Variants in COL3A1 observed in about 807,000 individuals in gnomAD.
COL3A1 encodes the protein collagen alpha-1(III) chain.
COL3A1 carries 46 observed loss-of-function variants against 200.9 expected under a neutral mutation model. The observed-to-expected ratio is 0.23, with a 90% CI of 0.18 to 0.29. The LOEUF (loss-of-function observed/expected upper bound fraction) is 0.29, where lower values mean the gene tolerates loss of function less well. COL3A1 is among the 10% of genes least tolerant of loss of function. COL3A1 has a pLI of 1.00. For synonymous variants in COL3A1, 650 were observed against 628.0 expected, an observed-to-expected ratio of 1.03 and a Z score of -0.52; for missense variants, 1,367 against 1,917.6, an observed-to-expected ratio of 0.71 and a Z score of 5.36.
Position 188,994,373 on chromosome 2 carries a change from G to C in COL3A1, c.1293+41G>C, listed in dbSNP as rs1414666125. The C allele has an allele frequency of 6.2e-7, 1 of 1,609,582 alleles. No homozygotes were observed. The highest frequency in any genetic ancestry group is 1.7e-5 in the Admixed American group (1 of 59,942). On this transcript the variant is annotated intron_variant, in intron 18 of 50. Transcript: ENST00000304636. This position sits in a 1 kb window ranked among gnomAD's most constrained non-coding sequence, Gnocchi z 4.5. ...TTTTCTCTGTTGACTGAAAGGTATA[G>C]TTTAATTCCATCAACAAAAAATTAA...
chr2:188,999,740 C>A, intron 31 of COL3A1, 102 bp from the exon 32 acceptor site: 1 of 1,369,064 alleles, frequency 7.3e-7, no homozygotes, highest in Non-Finnish European at 1.0e-6. Context: ...TGAATTAGAA[C>A]ACCCAATATA....
Position 189,004,053 on chromosome 2 carries a change from T to A in COL3A1, c.2733T>A (p.Thr911=), listed in dbSNP as rs138961881. Residue 911 remains threonine, a synonymous_variant, in exon 39 of 51, where the codon ACT becomes ACA. Transcript: ENST00000304636. ...KDGPPGPAGN[T]GAPGSPGVSG... ...GGCCCCCAGGTCCTGCGGGTAACACTGGTGCTCCTGGCAGCCCTGGAGTGT... is the reference window on the plus strand; with the variant it reads ...GGCCCCCAGGTCCTGCGGGTAACACAGGTGCTCCTGGCAGCCCTGGAGTGT... 8.1e-6 allele frequency: 13 copies of A among 1,613,188 alleles called. No individual in the cohort carries two copies. The Admixed American group carries it at 2.2e-4, about 27-fold the overall frequency.
chr2:188,988,522 G>C (rs1688109797), intron 6 of COL3A1, 68 bp from the exon 7 acceptor site: 5 of 1,120,172 alleles, frequency 4.5e-6, no homozygotes, highest in Non-Finnish European at 6.7e-6. Context: ...ATTTCTTACT[G>C]TCAAGATGTA....
intron 28 of COL3A1, 82 bp from the exon 29 acceptor site, chr2:188,998,592 T>G (rs1259920643): frequency 7.3e-7 from 1 of 1,376,842 alleles, no homozygotes; most frequent in South Asian, 1.2e-5. Context: ...TATTTACATA[T>G]TTGCTTATAT....
In COL3A1 at chr2:188,989,791, T is replaced by C. The variant is rs543247004; in HGVS notation, c.691-305T>C. Among the ~76,000 whole-genome samples the C allele has an allele frequency of 9.8e-5, 15 of 152,314 alleles. No individual in the cohort carries two copies. The South Asian group carries it at 2.3e-3, about 23-fold the overall frequency. On this transcript the variant is annotated intron_variant, in intron 8 of 50. Transcript: ENST00000304636. ...CCACTATTTAATGAACTTGAGAAGTTATAGATACCTTCAATTCAATGGCAT... is the reference window on the plus strand; with the variant it reads ...CCACTATTTAATGAACTTGAGAAGTCATAGATACCTTCAATTCAATGGCAT...
At chr2:188,995,373 A>G (rs1688283038) in intron 21 of COL3A1, among the ~76,000 whole-genome samples, 1 of 152,216 alleles carries the variant, frequency 6.6e-6, no homozygotes, top group Non-Finnish European at 1.5e-5. Flanking sequence ...AAAATGCCTG[A>G]AAAGTCTTTG....
chr2:189,010,996 G>T, intron 50 of COL3A1, 106 bp downstream of exon 50: 1 of 1,440,470 alleles, frequency 6.9e-7, no homozygotes, highest in South Asian at 1.2e-5. Context: ...ATGAAATAAA[G>T]ATAGCATTTG....
intron 47 of COL3A1, chr2:189,008,426 C>A: frequency 2.1e-6 from 1 of 475,310 alleles, no homozygotes; most frequent in Non-Finnish European, 3.8e-6. Context: ...TGCTATCCCA[C>A]TAGAGATCTC....
At chr2:188,999,662 T>C in intron 31 of COL3A1, 85 bp downstream of exon 31, 1 of 1,454,138 alleles carries the variant, frequency 6.9e-7, no homozygotes, top group Non-Finnish European at 9.6e-7. Flanking sequence ...AGTAATCGAC[T>C]GTATTTTCAA....
chr2:188,997,788 T>A, intron 27 of COL3A1, 35 bp downstream of exon 27: 1 of 1,598,666 alleles, frequency 6.3e-7, no homozygotes, highest in Non-Finnish European at 8.6e-7. Context: ...ACGGCATATC[T>A]GACTGTCAAA....
At chr2:188,974,657 C>T (rs1687770515) in intron 1 of COL3A1, 89 bp downstream of exon 1, 2 of 1,016,304 alleles carry the variant, frequency 2.0e-6, no homozygotes, top group South Asian at 2.5e-5. Flanking sequence ...AATCAGTTGC[C>T]TGATTCAAGA....
In COL3A1 at chr2:188,997,367, C is replaced by T; in HGVS notation, c.1847C>T (p.Pro616Leu). 1 of 1,613,794 alleles carries T rather than the reference C, an allele frequency of 6.2e-7. No homozygotes were observed. The highest frequency in any genetic ancestry group is 2.2e-5 in the East Asian group (1 of 44,870). ...GPPGKNGETG[P>L]QGPPGPTGPG... is the part of the protein sequence containing the mutation. ...CCTGGAAAGAATGGTGAAACTGGAC[C>T]TCAGGGACCCCCAGGGCCTACTGTA... Residue 616 changes from proline to leucine, a missense_variant, in exon 26 of 51, where the codon CCT (proline) becomes CTT (leucine). Physicochemically the swap from Pro to Leu is moderately conservative, Grantham distance 98 (BLOSUM62 -3). Transcript: ENST00000304636.
chr2:188,984,703 A>G, intron 1 of COL3A1, 57 bp from the exon 2 acceptor site: 2 of 1,530,722 alleles, frequency 1.3e-6, no homozygotes, highest in South Asian at 2.2e-5. Flanking sequence ...CAGAGTAACA[A>G]AAATCACCTT....
At chr2:188,989,327 C>A in intron 7 of COL3A1, 69 bp from the exon 8 acceptor site, 1 of 1,147,562 alleles carries the variant, frequency 8.7e-7, no homozygotes, top group Non-Finnish European at 1.3e-6. Flanking sequence ...GGAATACATA[C>A]ACTGTGTAAT....
In COL3A1 at chr2:188,985,684, G is replaced by C; in HGVS notation, c.353G>C (p.Gly118Ala). ...KGDPGPPGIPGRNGDPGIPGQ... is the reference protein window; with the variant it reads ...KGDPGPPGIPARNGDPGIPGQ... ...TTTTAGGGCCCTCCTGGTATTCCTGGGAGAAATGGTGACCCTGGTATTCCA... is the reference window on the plus strand; with the variant it reads ...TTTTAGGGCCCTCCTGGTATTCCTGCGAGAAATGGTGACCCTGGTATTCCA... The change falls in exon 4 of 51, where the codon GGG (glycine) becomes GCG (alanine). Residue 118 changes from glycine to alanine, a missense_variant. By Grantham distance (60) the Gly-to-Ala change is moderately conservative. Coordinates refer to ENST00000304636, the MANE Select transcript of COL3A1 (RefSeq NM_000090.4). 6.2e-7 allele frequency: 1 copy of C among 1,610,092 alleles called. No homozygotes were observed. Among genetic ancestry groups the C allele is most frequent in the Non-Finnish European group, 8.5e-7 (1 of 1,178,482 alleles).
intron 6 of COL3A1, 45 bp from the exon 7 acceptor site, chr2:188,988,545 G>A: frequency 7.7e-7 from 1 of 1,305,660 alleles, no homozygotes. Context: ...TGAATTATAT[G>A]AAGATTTTGT....
At position 189,001,527 on chromosome 2, in the gene COL3A1, T is replaced by C; in HGVS notation, c.2338-9T>C. 2 of 1,614,096 alleles carry C rather than the reference T, an allele frequency of 1.2e-6. No individual in the cohort carries two copies. The highest frequency in any genetic ancestry group is 1.7e-6 in the Non-Finnish European group (2 of 1,180,004). On this transcript the variant is annotated splice_polypyrimidine_tract_variant and intron_variant, in intron 33 of 50. Coordinates refer to ENST00000304636, the MANE Select transcript of COL3A1 (RefSeq NM_000090.4). ...ATGCAAGACAGTGACATGGCTTCTCTTTTTCCAGGGTGAAGGTGGTGCCCC... is the reference window on the plus strand; with the variant it reads ...ATGCAAGACAGTGACATGGCTTCTCCTTTTCCAGGGTGAAGGTGGTGCCCC...
intron 14 of COL3A1, 66 bp from the exon 15 acceptor site, chr2:188,992,821 T>G: frequency 8.0e-7 from 1 of 1,245,596 alleles, no homozygotes; most frequent in Non-Finnish European, 1.2e-6. Context: ...TGCTCACTTA[T>G]TTACTAGTAT....
chr2:189,003,646 G>A (rs1246895846), intron 37 of COL3A1, 88 bp from the exon 38 acceptor site: 1 of 1,456,762 alleles, frequency 6.9e-7, no homozygotes, highest in Non-Finnish European at 9.6e-7. Context: ...CAGGTACAAT[G>A]CAGATCATGC....
Sources: gnomAD v4.1 joint callset for allele counts (sites outside exome capture counted in the v4.1 genomes callset) on GRCh38, gnomAD v4.1.1 for gene constraint, Gnocchi (gnomAD v3.1) non-coding constraint, MANE v1.5 for transcripts, NCBI Gene and HGNC (gene_info 2026-07-23, HGNC 2026-07-21) for gene names.